USP49: variants seen among roughly 807,000 people sequenced by gnomAD.
The protein encoded by USP49 is ubiquitin specific peptidase 49.
Under a neutral mutation model 58.6 loss-of-function variants are expected in USP49, and 24 were observed. That is an observed-to-expected ratio of 0.41 (90% CI 0.30 to 0.58). The LOEUF (loss-of-function observed/expected upper bound fraction) is 0.58. Ranked by LOEUF, USP49 falls within the 20% of genes least tolerant of loss-of-function variation. The pLI, the probability that USP49 is intolerant of heterozygous loss-of-function variation, is 0.30. For missense variants in USP49, 703 were observed against 866.1 expected (o/e 0.81, Z 2.36); for synonymous variants, 408 against 365.1 (o/e 1.12, Z -1.34).
chr6:41,856,236 G>A (rs1364116120), intron 3 of USP49, among the ~76,000 whole-genome samples: 3 of 151,748 alleles, frequency 2.0e-5, no homozygotes, highest in South Asian at 4.2e-4. Flanking sequence ...TTAGCCAGGC[G>A]TGGTGGCGGG....
chr6:41,865,272 T>C (rs1370720380), intron 3 of USP49, among the ~76,000 whole-genome samples: 5 of 152,160 alleles, frequency 3.3e-5, no homozygotes, highest in Non-Finnish European at 7.3e-5. Context: ...CTTGAATTCC[T>C]GACCTCAGGT....
chr6:41,827,477 T>C (rs531749276), intron 3 of USP49, among the ~76,000 whole-genome samples: 1 of 152,076 alleles, frequency 6.6e-6, no homozygotes, highest in South Asian at 2.1e-4. Flanking sequence ...CTGGACAACA[T>C]GGTGAAACCC....
chr6:41,846,426 C>A (rs1773924863), intron 3 of USP49, among the ~76,000 whole-genome samples: 1 of 152,130 alleles, frequency 6.6e-6, no homozygotes, highest in East Asian at 1.9e-4. Flanking sequence ...AAGTCAGGTA[C>A]TGTGCATTTT....
rs1207271620 is a variant in USP49, at chr6:41,794,390, ATAATTATCCCCAC to A, written c.*2130_*2142del. ...TGAATTTTCCATTAAATGTTTATTA[ATAATTATCCCCAC>A]TGGACAGCCTGAGGGGTAAAGTAGA... On this transcript the variant is annotated 3_prime_UTR_variant, in exon 8 of 8. Coordinates refer to ENST00000682992, the MANE Select transcript of USP49 (RefSeq NM_001286554.2). 2 of 152,238 alleles carry A rather than the reference ATAATTATCCCCAC, an allele frequency of 1.3e-5. No individual in the cohort carries two copies. Among genetic ancestry groups the A allele is most frequent in the Non-Finnish European group, 2.9e-5 (2 of 68,048 alleles). The allele number at this position is 152,238 out of a possible 1,614,324, so 9.4% of individuals were successfully genotyped here.
At chr6:41,850,315 C>CG (rs961903662) in intron 3 of USP49, among the ~76,000 whole-genome samples, 8 of 151,734 alleles carry the variant, frequency 5.3e-5, no homozygotes, top group Non-Finnish European at 1.2e-4. Flanking sequence ...AGGTGGCACA[C>CG]GCCTCTAGTC....
chr6:41,827,026 C>A (rs917033967), intron 3 of USP49, among the ~76,000 whole-genome samples: 2 of 152,210 alleles, frequency 1.3e-5, no homozygotes, highest in South Asian at 4.1e-4. Context: ...TGCACTGATT[C>A]CTTGCACAGA....
At chr6:41,885,876 T>C (rs1774701988) in intron 2 of USP49, among the ~76,000 whole-genome samples, 2 of 152,074 alleles carry the variant, frequency 1.3e-5, no homozygotes, top group Admixed American at 1.3e-4. Flanking sequence ...TGGGCCCAAT[T>C]TGGGATTTTC....
At chr6:41,858,172 C>T (rs993659669) in intron 3 of USP49, among the ~76,000 whole-genome samples, 1 of 152,098 alleles carries the variant, frequency 6.6e-6, no homozygotes, top group Non-Finnish European at 1.5e-5. Context: ...TAATTAGAGA[C>T]CTACCAAAAC....
chr6:41,868,544 G>A (rs1774360891), intron 3 of USP49: 1 of 152,028 alleles, frequency 6.6e-6, no homozygotes, highest in Non-Finnish European at 1.5e-5. Flanking sequence ...GGTCAGGTTG[G>A]TCTCGAACTC....
intron 3 of USP49, among the ~76,000 whole-genome samples, chr6:41,854,777 T>A (rs1774096817): frequency 6.6e-6 from 1 of 152,102 alleles, no homozygotes; most frequent in Non-Finnish European, 1.5e-5. Flanking sequence ...TTGGAGAGCC[T>A]TTTATTTATA....
intron 3 of USP49, among the ~76,000 whole-genome samples, chr6:41,849,036 G>A (rs563248332): frequency 1.3e-5 from 2 of 152,224 alleles, no homozygotes; most frequent in Admixed American, 6.5e-5. Context: ...ATATTGACTG[G>A]AGTTAAAAAA....
chr6:41,805,847 G>A lies in USP49; in HGVS notation c.1137C>T (p.Phe379=), dbSNP rs1773107058. ...WSGKWALVSP[F]AMLHSVWSLI... ...GGCTCCACACTGAGTGGAGCATGGC[G>A]AAGGGCGACACTAGGGCCCACTTCC... The change falls in exon 4 of 8, where the codon TTC becomes TTT. Residue 379 remains phenylalanine, a synonymous_variant. Transcript: ENST00000682992. 1.2e-6 allele frequency: 2 copies of A among 1,614,026 alleles called. No individual in the cohort carries two copies. The highest frequency in any genetic ancestry group is 1.6e-4 in the Middle Eastern group (1 of 6,062).
Position 41,804,131 on chromosome 6 carries a change from A to G in USP49, c.1357-121T>C, listed in dbSNP as rs1452026870. 5 of 753,660 alleles carry G rather than the reference A, an allele frequency of 6.6e-6. No homozygotes were observed. In the East Asian group the frequency reaches 1.4e-4, roughly 21 times the overall value. The allele number at this position is 753,660 out of a possible 1,614,324, so 46.7% of individuals were successfully genotyped here. On this transcript the variant is annotated intron_variant, in intron 4 of 7. Coordinates refer to ENST00000682992, the MANE Select transcript of USP49 (RefSeq NM_001286554.2). Reference sequence around the variant, plus strand: ...AGTGTATAATTTTCAAAAAATAGTAATATTAAAATAATAAACATAACTTTA... The same window carrying G: ...AGTGTATAATTTTCAAAAAATAGTAGTATTAAAATAATAAACATAACTTTA...
At chr6:41,869,008 C>T (rs1454313683) in intron 3 of USP49, 2 of 151,710 alleles carry the variant, frequency 1.3e-5, no homozygotes, top group African/African-American at 4.8e-5. Context: ...AGGTGATCCA[C>T]CTGCCTTAGC....
At chr6:41,871,017 C>T (rs1235670421) in intron 3 of USP49, among the ~76,000 whole-genome samples, 1 of 151,920 alleles carries the variant, frequency 6.6e-6, no homozygotes, top group African/African-American at 2.4e-5. Context: ...CACCACTGCA[C>T]TCCAGCCTGG....
intron 3 of USP49, among the ~76,000 whole-genome samples, chr6:41,862,521 A>G (rs1379862706): frequency 6.6e-6 from 1 of 152,220 alleles, no homozygotes; most frequent in Non-Finnish European, 1.5e-5. Flanking sequence ...TTTGTGTTCT[A>G]ATGAAATCAG....
chr6:41,809,123 G>C (rs1581995368), intron 3 of USP49, among the ~76,000 whole-genome samples: 1 of 151,900 alleles, frequency 6.6e-6, no homozygotes, highest in Non-Finnish European at 1.5e-5. Flanking sequence ...TGTTGCCCAG[G>C]CTGGTCTTAA....
At chr6:41,880,800 A>T (rs1047851488) in intron 2 of USP49, among the ~76,000 whole-genome samples, 2 of 152,212 alleles carry the variant, frequency 1.3e-5, no homozygotes, top group Non-Finnish European at 2.9e-5. Flanking sequence ...AAAGATATCA[A>T]GTCAAGGAAA....
intron 5 of USP49, among the ~76,000 whole-genome samples, chr6:41,801,799 G>C (rs908005025): frequency 3.3e-5 from 5 of 152,234 alleles, no homozygotes; most frequent in African/African-American, 1.2e-4. Flanking sequence ...ACAGGCAACA[G>C]ATCAATGCAT....
Sources: allele counts gnomAD v4.1 joint callset (sites outside exome capture counted in the v4.1 genomes callset), GRCh38; gene constraint gnomAD v4.1.1; transcripts MANE v1.5; gene names NCBI Gene and HGNC (gene_info 2026-07-23, HGNC 2026-07-21).